PCSK5: variants seen among roughly 807,000 people sequenced by gnomAD.
PCSK5 encodes prohormone convertase 5.
PCSK5 carries 129 observed loss-of-function variants against 233.2 expected under a neutral mutation model. That is an observed-to-expected ratio of 0.55 (90% CI 0.48 to 0.64). The LOEUF is 0.64. PCSK5 is among the 30% of genes least tolerant of loss of function. The pLI is 0.00. For missense variants in PCSK5, 2,076 were observed against 2,430.1 expected (o/e 0.85, Z 3.06); for synonymous variants, 825 against 879.2 (o/e 0.94, Z 1.09).
intron 24 of PCSK5, among the ~76,000 whole-genome samples, chr9:76,282,822 G>A (rs181879332): frequency 6.6e-6 from 1 of 152,198 alleles, no homozygotes; most frequent in Admixed American, 6.5e-5. Flanking sequence ...TCATGTCCAT[G>A]GGATTCACCA....
chr9:76,182,410 G>A (rs765768509), intron 16 of PCSK5, among the ~76,000 whole-genome samples: 2 of 152,164 alleles, frequency 1.3e-5, no homozygotes, highest in Non-Finnish European at 2.9e-5. Flanking sequence ...GCTAAAAGAT[G>A]ATCAGGTACT....
At chr9:76,170,757 G>C (rs1823297114) in intron 13 of PCSK5, among the ~76,000 whole-genome samples, 1 of 152,174 alleles carries the variant, frequency 6.6e-6, no homozygotes, top group African/African-American at 2.4e-5. Flanking sequence ...TTCTGTAATT[G>C]TGGGAGTGTG....
chr9:76,178,659 T>A (rs1823721354), intron 14 of PCSK5, among the ~76,000 whole-genome samples: 2 of 152,222 alleles, frequency 1.3e-5, no homozygotes, highest in South Asian at 2.1e-4. Flanking sequence ...ATAAGTAGAT[T>A]TTCTACTACC....
At position 76,292,175 on chromosome 9, in the gene PCSK5, A is replaced by G. The variant is rs553090807; in HGVS notation, c.3143-58A>G. On this transcript the variant is annotated intron_variant, in intron 24 of 37. Coordinates refer to ENST00000674117, the MANE Select transcript of PCSK5 (RefSeq NM_001372043.1). ...TCTCAAGCTACAGCTTTCAGACCCTATTTTTCCAAATGACGAATTCCTCAT... is the reference window on the plus strand; with the variant it reads ...TCTCAAGCTACAGCTTTCAGACCCTGTTTTTCCAAATGACGAATTCCTCAT... 1.5e-4 allele frequency: 155 copies of G among 1,009,426 alleles called. 1 individual carries two copies. The highest frequency in any genetic ancestry group is 5.9e-4 in the East Asian group (25 of 42,284). 62.5% of individuals were successfully genotyped at this position (1,009,426 alleles called of 1,614,324 possible). A position where few individuals can be genotyped will look rare whatever the true frequency, so the allele number is the denominator to read the frequency against.
intron 24 of PCSK5, among the ~76,000 whole-genome samples, chr9:76,276,737 C>T (rs1452985163): frequency 4.6e-5 from 7 of 152,176 alleles, no homozygotes; most frequent in African/African-American, 1.7e-4. Flanking sequence ...CTCTCTAACC[C>T]TTTATCTGAA....
At chr9:76,019,725 AT>A (rs1379396037) in intron 3 of PCSK5, among the ~76,000 whole-genome samples, 1 of 152,202 alleles carries the variant, frequency 6.6e-6, no homozygotes, top group Non-Finnish European at 1.5e-5. Context: ...AGAGTGGTTT[AT>A]AAGCAGAATA....
chr9:76,104,205 A>G (rs2131673165), intron 8 of PCSK5, among the ~76,000 whole-genome samples: 1 of 152,346 alleles, frequency 6.6e-6, no homozygotes, highest in South Asian at 2.1e-4. Flanking sequence ...ACCCTGCCTT[A>G]GATCTTTCCA....
chr9:76,319,760 T>C (rs1357348395), intron 30 of PCSK5, among the ~76,000 whole-genome samples: 1 of 152,222 alleles, frequency 6.6e-6, no homozygotes, highest in Admixed American at 6.5e-5. Flanking sequence ...GGTGCTGTGC[T>C]TCGGTGGTCA....
intron 11 of PCSK5, among the ~76,000 whole-genome samples, chr9:76,158,413 G>A (rs745968255): frequency 6.6e-6 from 1 of 152,180 alleles, no homozygotes; most frequent in Non-Finnish European, 1.5e-5. Context: ...GGTTGAACCT[G>A]ATGCCATTGT....
intron 3 of PCSK5, among the ~76,000 whole-genome samples, chr9:75,988,685 G>T (rs1826632160): frequency 6.6e-6 from 1 of 152,130 alleles, no homozygotes; most frequent in Non-Finnish European, 1.5e-5. Context: ...CAAAGTGTTG[G>T]GATTACATGT....
At position 76,358,974 on chromosome 9, in the gene PCSK5, GCATCACTGTTTT is replaced by G; in HGVS notation, c.*53_*64del. The G allele has an allele frequency of 6.5e-7, 1 of 1,539,472 alleles. No homozygotes were observed. The highest frequency in any genetic ancestry group is 8.9e-7 in the Non-Finnish European group (1 of 1,126,654). On this transcript the variant is annotated 3_prime_UTR_variant, in exon 38 of 38. Coordinates refer to ENST00000674117, the MANE Select transcript of PCSK5 (RefSeq NM_001372043.1). ...ATTCCACTCTCAGGCATGCCTGTGA[GCATCACTGTTTT>G]TGGTTTTATCCCCACACCAGGCTGA...
At chr9:75,915,949 T>C (rs537881704) in intron 1 of PCSK5, among the ~76,000 whole-genome samples, 1 of 152,334 alleles carries the variant, frequency 6.6e-6, no homozygotes, top group South Asian at 2.1e-4. Context: ...TTCTATTTTG[T>C]GGATACAAAC....
chr9:76,237,878 CGGCAATTTCACGTGG>C (rs1246604174), intron 22 of PCSK5, among the ~76,000 whole-genome samples: 1 of 152,148 alleles, frequency 6.6e-6, no homozygotes, highest in Non-Finnish European at 1.5e-5. Flanking sequence ...AGTTAAATAT[CGGCAATTTCACGTGG>C]GTCAATTTAA....
chr9:75,890,377 T>A (rs1295271800), upstream of PCSK5, among the ~76,000 whole-genome samples: 1 of 152,152 alleles, frequency 6.6e-6, no homozygotes, highest in South Asian at 2.1e-4. Context: ...GTAAATTTCT[T>A]TAGTCTTTCG....
intron 9 of PCSK5, among the ~76,000 whole-genome samples, chr9:76,128,025 T>C (rs1386024577): frequency 6.6e-6 from 1 of 152,204 alleles, no homozygotes; most frequent in Non-Finnish European, 1.5e-5. Flanking sequence ...AAATTTATTA[T>C]TATTTTGAAT....
At position 76,175,027 on chromosome 9, in the gene PCSK5, G is replaced by C; in HGVS notation, c.1798G>C (p.Val600Leu). Residue 600 changes from valine (V) to leucine (L), a missense_variant, in exon 14 of 38, where the codon GTG (valine) becomes CTG (leucine). By Grantham distance (32) the Val-to-Leu change is conservative. Transcript: ENST00000674117. ...GTCTTTGGTCCTCTACGGCACCTCC[G>C]TGCAGCCATATTCACCAACCAATGA... is the stretch of plus-strand genomic sequence containing the variant. ...EWSLVLYGTS[V>L]QPYSPTNEFP... 1 of 1,613,836 alleles carries C rather than the reference G, an allele frequency of 6.2e-7. No homozygotes were observed. The highest frequency in any genetic ancestry group is 8.5e-7 in the Non-Finnish European group (1 of 1,179,876).
chr9:76,165,832 G>C (rs1481641935), intron 12 of PCSK5, among the ~76,000 whole-genome samples: 1 of 152,220 alleles, frequency 6.6e-6, no homozygotes, highest in Non-Finnish European at 1.5e-5. Context: ...GCACAGCGTG[G>C]ATGTTCACGC....
intron 24 of PCSK5, among the ~76,000 whole-genome samples, chr9:76,257,544 T>C (rs1232382665): frequency 1.3e-5 from 2 of 152,108 alleles, no homozygotes; most frequent in East Asian, 3.9e-4. Context: ...TTCCACAAAG[T>C]CTCTCTGCAC....
chr9:75,987,141 C>G (rs1436330177), intron 3 of PCSK5, among the ~76,000 whole-genome samples: 1 of 152,094 alleles, frequency 6.6e-6, no homozygotes, highest in Non-Finnish European at 1.5e-5. Flanking sequence ...CATAGCATTC[C>G]CATAGCTGCC....
Sources: allele counts gnomAD v4.1 joint callset (sites outside exome capture counted in the v4.1 genomes callset), GRCh38; gene constraint gnomAD v4.1.1; transcripts MANE v1.5; gene names NCBI Gene and HGNC (gene_info 2026-07-23, HGNC 2026-07-21).